PALM2AKAP2: variants seen among roughly 807,000 people sequenced by gnomAD.
PALM2AKAP2 encodes the protein PALM2 and AKAP2 fusion.
Under a neutral mutation model 71.5 loss-of-function variants are expected in PALM2AKAP2, and 37 were observed. The observed-to-expected ratio is 0.52, with a 90% CI of 0.40 to 0.68. PALM2AKAP2 has a LOEUF of 0.68. PALM2AKAP2 is among the 30% of genes least tolerant of loss of function. The pLI is 0.00. For missense variants in PALM2AKAP2, 1,224 were observed against 1,191.8 expected, an observed-to-expected ratio of 1.03 and a Z score of -0.40; for synonymous variants, 468 against 478.8, an observed-to-expected ratio of 0.98 and a Z score of 0.29.
chr9:109,897,363 C>T (rs1830225600), intron 3 of PALM2AKAP2, among the ~76,000 whole-genome samples: 1 of 152,008 alleles, frequency 6.6e-6, no homozygotes, highest in Non-Finnish European at 1.5e-5. Context: ...AGGTGGATCA[C>T]GAGTTCTGGA....
chr9:110,110,776 C>T (rs1014305390), intron 1 of PALM2AKAP2, among the ~76,000 whole-genome samples: 1 of 151,740 alleles, frequency 6.6e-6, no homozygotes, highest in Non-Finnish European at 1.5e-5. Context: ...CAAACTCCCG[C>T]CCTCAAATGA....
intron 1 of PALM2AKAP2, among the ~76,000 whole-genome samples, chr9:110,049,429 A>G (rs2132496159): frequency 6.6e-6 from 1 of 152,298 alleles, no homozygotes; most frequent in East Asian, 1.9e-4. Flanking sequence ...GATAGGGTCC[A>G]GGGAGCTGAA....
At chr9:109,647,671 G>T (rs561289642) in intron 1 of PALM2AKAP2, among the ~76,000 whole-genome samples, 4 of 152,254 alleles carry the variant, frequency 2.6e-5, no homozygotes, top group African/African-American at 7.2e-5. Context: ...CATCATCACT[G>T]TCAGTGGTCG....
intron 7 of PALM2AKAP2, among the ~76,000 whole-genome samples, chr9:110,035,541 T>C (rs969594020): frequency 3.5e-5 from 5 of 143,700 alleles, no homozygotes; most frequent in African/African-American, 1.0e-4. Context: ...ATAGGATATG[T>C]TGTGTGTTAT....
chr9:109,677,336 G>T (rs1232875189), intron 1 of PALM2AKAP2, among the ~76,000 whole-genome samples: 1 of 152,124 alleles, frequency 6.6e-6, no homozygotes, highest in African/African-American at 2.4e-5. Flanking sequence ...AGGGCTCATA[G>T]AGGGCTTTAA....
chr9:109,929,501 G>A (rs1420183444), intron 5 of PALM2AKAP2, among the ~76,000 whole-genome samples: 3 of 152,244 alleles, frequency 2.0e-5, no homozygotes, highest in South Asian at 2.1e-4. Context: ...GTTCTGCCTT[G>A]TGCTGCTTTG....
At chr9:110,014,509 A>T (rs1024301058) in intron 6 of PALM2AKAP2, among the ~76,000 whole-genome samples, 1 of 151,760 alleles carries the variant, frequency 6.6e-6, no homozygotes, top group Admixed American at 6.6e-5. Context: ...ACAGTGGCTC[A>T]CTCCTGTAAT....
At chr9:109,693,107 A>G (rs1827921910) in intron 1 of PALM2AKAP2, among the ~76,000 whole-genome samples, 1 of 151,958 alleles carries the variant, frequency 6.6e-6, no homozygotes, top group South Asian at 2.1e-4. Flanking sequence ...TTGGGGCTTG[A>G]TATTTCTTTG....
At chr9:109,811,727 A>C (rs896642891) in intron 1 of PALM2AKAP2, among the ~76,000 whole-genome samples, 2 of 152,128 alleles carry the variant, frequency 1.3e-5, no homozygotes, top group Admixed American at 1.3e-4. Context: ...GTGTGCCACC[A>C]TGCCTGGCTA....
At chr9:109,965,790 CA>C (rs1273278987) in intron 6 of PALM2AKAP2, among the ~76,000 whole-genome samples, 5 of 152,036 alleles carry the variant, frequency 3.3e-5, no homozygotes, top group Admixed American at 3.3e-4. Context: ...TGAAGATACT[CA>C]GGGGGAAAAA....
At chr9:110,107,930 A>G (rs1473719068) in intron 1 of PALM2AKAP2, among the ~76,000 whole-genome samples, 1 of 152,218 alleles carries the variant, frequency 6.6e-6, no homozygotes, top group Non-Finnish European at 1.5e-5. Flanking sequence ...AGCACAGTGC[A>G]CATGAGGCAA....
chr9:110,100,350 A>G (rs927797882), intron 1 of PALM2AKAP2, among the ~76,000 whole-genome samples: 1 of 152,100 alleles, frequency 6.6e-6, no homozygotes, highest in Admixed American at 6.5e-5. Flanking sequence ...TACATGTTTC[A>G]GCGTTTGTCT....
intron 7 of PALM2AKAP2, among the ~76,000 whole-genome samples, chr9:110,016,966 G>A (rs1011143264): frequency 3.3e-5 from 5 of 152,076 alleles, no homozygotes; most frequent in East Asian, 3.9e-4. Flanking sequence ...TGCAAGCTCC[G>A]CCTCCCGGGT....
At chr9:110,005,740 C>T (rs1832766269) in intron 6 of PALM2AKAP2, among the ~76,000 whole-genome samples, 1 of 152,246 alleles carries the variant, frequency 6.6e-6, no homozygotes, top group Admixed American at 6.5e-5. Context: ...CACCCCTCCC[C>T]CAGCCTCGCT....
intron 1 of PALM2AKAP2, among the ~76,000 whole-genome samples, chr9:109,674,188 G>T (rs2118498668): frequency 2.0e-5 from 3 of 151,696 alleles, no homozygotes; most frequent in Middle Eastern, 6.8e-3. Flanking sequence ...TTTTTTGTTA[G>T]ATTTCATATC....
At chr9:110,071,151 G>A (rs1164610812) in intron 1 of PALM2AKAP2, among the ~76,000 whole-genome samples, 7 of 31,556 alleles carry the variant, frequency 2.2e-4, no homozygotes, top group Admixed American at 8.1e-4. Flanking sequence ...GCAACAGAGC[G>A]AGACTCTGTT....
At chr9:109,922,672 C>T (rs1030998432) in intron 3 of PALM2AKAP2, among the ~76,000 whole-genome samples, 1 of 152,116 alleles carries the variant, frequency 6.6e-6, no homozygotes, top group South Asian at 2.1e-4. Context: ...CTTCATTCTT[C>T]CTGAAGACAT....
intron 1 of PALM2AKAP2, among the ~76,000 whole-genome samples, chr9:109,798,282 G>A (rs1404818633): frequency 6.6e-6 from 1 of 152,202 alleles, no homozygotes; most frequent in African/African-American, 2.4e-5. Context: ...GGTACTGGGG[G>A]TTAGGACTTC....
chr9:109,724,178 A>G (rs1418545303), intron 1 of PALM2AKAP2, among the ~76,000 whole-genome samples: 1 of 152,244 alleles, frequency 6.6e-6, no homozygotes, highest in Non-Finnish European at 1.5e-5. Context: ...AAGTAAAATT[A>G]AAATGTGCAA....
Sources: allele counts gnomAD v4.1 joint callset (sites outside exome capture counted in the v4.1 genomes callset), GRCh38; gene constraint gnomAD v4.1.1; transcripts MANE v1.5; gene names NCBI Gene and HGNC (gene_info 2026-07-23, HGNC 2026-07-21).